The following SLC35F4 variants were observed in gnomAD, a reference collection of about 807,000 sequenced individuals.
SLC35F4 encodes the protein chromosome 14 open reading frame 36.
In SLC35F4, 24 loss-of-function variants were observed where a neutral mutation model predicts 44.2. The ratio of observed to expected loss-of-function variants is 0.54; its 90% CI spans 0.39 to 0.76. SLC35F4 has a LOEUF of 0.76. SLC35F4 is among the 30% of genes least tolerant of loss of function. The pLI is 0.00. For missense variants in SLC35F4, 562 were observed against 586.1 expected (o/e 0.96, Z 0.42); for synonymous variants, 238 against 223.6 (o/e 1.06, Z -0.57).
intron 1 of SLC35F4, among the ~76,000 whole-genome samples, chr14:57,701,584 T>G (rs565000888): frequency 6.6e-6 from 1 of 152,286 alleles, no homozygotes; most frequent in East Asian, 1.9e-4. Flanking sequence ...TAATACATTG[T>G]GCCATGATGT....
At chr14:57,932,885 G>C (rs1426543694) in intron 1 of SLC35F4, among the ~76,000 whole-genome samples, 1 of 152,044 alleles carries the variant, frequency 6.6e-6, no homozygotes, top group Non-Finnish European at 1.5e-5. Flanking sequence ...GTGTATATTA[G>C]AGAGAAGCTT....
intron 1 of SLC35F4, among the ~76,000 whole-genome samples, chr14:57,857,418 C>A (rs557257360): frequency 2.7e-4 from 41 of 152,140 alleles, no homozygotes; most frequent in African/African-American, 9.7e-4. Context: ...CTTTAAAGTA[C>A]ATCTATTTGA....
intron 1 of SLC35F4, among the ~76,000 whole-genome samples, chr14:57,666,983 T>C (rs2074331574): frequency 6.6e-6 from 1 of 151,258 alleles, no homozygotes; most frequent in South Asian, 2.1e-4. Flanking sequence ...GGGGCTACAA[T>C]TTGAGCTATG....
intron 1 of SLC35F4, among the ~76,000 whole-genome samples, chr14:57,831,699 C>T (rs1403001528): frequency 6.6e-6 from 1 of 152,080 alleles, no homozygotes; most frequent in Non-Finnish European, 1.5e-5. Flanking sequence ...GAGTGAAAAC[C>T]TTGGAGCTTT....
intron 1 of SLC35F4, among the ~76,000 whole-genome samples, chr14:57,703,966 G>C (rs1171579450): frequency 6.6e-6 from 1 of 152,104 alleles, no homozygotes; most frequent in Non-Finnish European, 1.5e-5. Flanking sequence ...GAACTCCAAA[G>C]ACCCTTAGAA....
intron 4 of SLC35F4, among the ~76,000 whole-genome samples, chr14:57,577,537 A>G (rs2068879362): frequency 6.6e-6 from 1 of 152,164 alleles, no homozygotes; most frequent in Non-Finnish European, 1.5e-5. Flanking sequence ...AAAATAAGAG[A>G]GGGACAAAAT....
At chr14:57,710,812 A>C (rs1327147913) in intron 1 of SLC35F4, among the ~76,000 whole-genome samples, 1 of 152,098 alleles carries the variant, frequency 6.6e-6, no homozygotes, top group Non-Finnish European at 1.5e-5. Context: ...ATATTTAACC[A>C]ATTCCTGTAA....
Position 57,981,350 on chromosome 14 carries a change from C to T in SLC35F4, n.151+563G>A, listed in dbSNP as rs900320673. On this transcript the variant is annotated intron_variant and non_coding_transcript_variant, in intron 1 of 1. Transcript: ENST00000554648. The stretch of plus-strand genomic sequence containing the variant: ...GAAAAACTTAGCACCGTCTCTGCAG[C>T]GTGGGAAATGGGTGCTTGGGTGCTT... Among the ~76,000 whole-genome samples the T allele has an allele frequency of 4.6e-5, 7 of 152,028 alleles. No homozygotes were observed. The South Asian group carries it at 6.2e-4, about 13-fold the overall frequency.
chr14:57,639,480 G>A (rs1375345925), intron 1 of SLC35F4, among the ~76,000 whole-genome samples: 1 of 151,896 alleles, frequency 6.6e-6, no homozygotes, highest in East Asian at 1.9e-4. Flanking sequence ...TCATTATTAT[G>A]TTCAGATTGG....
intron 1 of SLC35F4, among the ~76,000 whole-genome samples, chr14:57,609,844 C>T (rs937113069): frequency 2.6e-5 from 4 of 152,208 alleles, no homozygotes; most frequent in Non-Finnish European, 2.9e-5. Context: ...CTTGCCCCTC[C>T]GCTTCCCCAC....
intron 7 of SLC35F4, 59 bp downstream of exon 7, chr14:57,566,412 GAACA>G (rs2068208522): frequency 1.4e-6 from 2 of 1,478,590 alleles, no homozygotes; most frequent in Non-Finnish European, 1.8e-6. Flanking sequence ...TCAGGACACA[GAACA>G]AACACAAGCA....
intron 1 of SLC35F4, among the ~76,000 whole-genome samples, chr14:57,769,540 T>C (rs2077311632): frequency 1.3e-5 from 2 of 152,222 alleles, no homozygotes; most frequent in South Asian, 4.1e-4. Context: ...TATTTTAACA[T>C]TTAATGAATG....
At chr14:57,942,065 C>T (rs1889925288) in intron 1 of SLC35F4, among the ~76,000 whole-genome samples, 1 of 152,200 alleles carries the variant, frequency 6.6e-6, no homozygotes, top group Non-Finnish European at 1.5e-5. Flanking sequence ...TTTTTCTCCA[C>T]TTAAAATTGC....
At chr14:57,569,657 A>G (rs139202554) in intron 6 of SLC35F4, 131 bp downstream of exon 6, 8 of 1,068,294 alleles carry the variant, frequency 7.5e-6, no homozygotes, top group Middle Eastern at 3.2e-4. Flanking sequence ...AACATGACCA[A>G]CGACATTGAA....
intron 1 of SLC35F4, among the ~76,000 whole-genome samples, chr14:57,637,323 T>C (rs1594661976): frequency 6.6e-6 from 1 of 152,206 alleles, no homozygotes; most frequent in East Asian, 1.9e-4. Context: ...TCCTCCTCCT[T>C]CAGTTTTGCA....
chr14:57,600,687 A>T (rs11847202), intron 1 of SLC35F4, among the ~76,000 whole-genome samples: 1 of 86,590 alleles, frequency 1.2e-5, no homozygotes, highest in Non-Finnish European at 2.3e-5. Flanking sequence ...GCAAGACTCC[A>T]TCTCAAAAAA....
intron 1 of SLC35F4, among the ~76,000 whole-genome samples, chr14:57,668,560 T>A (rs1594754952): frequency 6.6e-6 from 1 of 152,122 alleles, no homozygotes; most frequent in African/African-American, 2.4e-5. Context: ...GCTAGCCAGT[T>A]TTCCCAGCAC....
At chr14:57,636,800 T>C (rs953542469) in intron 1 of SLC35F4, among the ~76,000 whole-genome samples, 1 of 152,114 alleles carries the variant, frequency 6.6e-6, no homozygotes, top group East Asian at 1.9e-4. Flanking sequence ...TAACTGAGCA[T>C]ACTAGTTTTC....
At position 57,944,682 on chromosome 14, in the gene SLC35F4, AAAAGAAAGAAAGAAAAGAAAGAAAGAAAG is replaced by A. The variant is rs1199852571; in HGVS notation, n.282+37202_282+37230del. Among the ~76,000 whole-genome samples the A allele has an allele frequency of 3.4e-3, 459 of 135,856 alleles. 4 individuals are homozygous for A. Among genetic ancestry groups the A allele is most frequent in the African/African-American group, 0.012 (410 of 33,372 alleles). 89.1% of individuals were successfully genotyped at this position (135,856 alleles called of 152,430 possible). Reference sequence around the variant, plus strand: ...GGGAGAGAGAGAAAGAAAGAAAAAGAAAAGAAAGAAAGAAAAGAAAGAAAGAAAGAAAGAAAGAAAGAAAGAAAGAAAGA... The same window carrying A: ...GGGAGAGAGAGAAAGAAAGAAAAAGAAAAGAAAGAAAGAAAGAAAGAAAGA... On this transcript the variant is annotated intron_variant and non_coding_transcript_variant, in intron 1 of 1. Coordinates refer to the SLC35F4 transcript ENST00000556568.
Sources: allele counts gnomAD v4.1 joint callset (sites outside exome capture counted in the v4.1 genomes callset), GRCh38; gene constraint gnomAD v4.1.1; transcripts MANE v1.5; gene names NCBI Gene and HGNC (gene_info 2026-07-23, HGNC 2026-07-21).